Variants in PAH observed in about 807,000 individuals in gnomAD.
PAH encodes phenylalanine-4-hydroxylase.
Under a neutral mutation model 62.0 loss-of-function variants are expected in PAH, and 64 were observed. That is an observed-to-expected ratio of 1.03 (90% CI 0.84 to 1.27). The LOEUF (loss-of-function observed/expected upper bound fraction) is 1.27, where lower values mean the gene tolerates loss of function less well. PAH is among the 50% of genes most tolerant of loss of function. The probability of loss-of-function intolerance (pLI) is 0.00; values close to 1 mark genes in which losing one functional copy is unlikely to be tolerated. For synonymous variants in PAH, 195 were observed against 196.2 expected (o/e 0.99, Z 0.05); for missense variants, 579 against 542.8 (o/e 1.07, Z -0.66).
At chr12:102,882,320 A>T (rs1876844749) in intron 3 of PAH, among the ~76,000 whole-genome samples, 1 of 152,160 alleles carries the variant, frequency 6.6e-6, no homozygotes, top group Non-Finnish European at 1.5e-5. Flanking sequence ...AATGGTTAAG[A>T]GTCTTAAAAC....
intron 1 of PAH, among the ~76,000 whole-genome samples, chr12:102,913,532 T>C (rs535802435): frequency 6.6e-6 from 1 of 152,178 alleles, no homozygotes; most frequent in African/African-American, 2.4e-5. Context: ...GTCAAAACAG[T>C]ATTCAGAGGA....
At chr12:102,935,453 A>C (rs770683167) in intron 1 of PAH, among the ~76,000 whole-genome samples, 2 of 152,038 alleles carry the variant, frequency 1.3e-5, no homozygotes, top group African/African-American at 4.8e-5. Context: ...TTGTCAGAAT[A>C]GTTTGAGTAG....
chr12:102,906,598 A>T (rs1382950273), intron 2 of PAH, among the ~76,000 whole-genome samples: 1 of 152,230 alleles, frequency 6.6e-6, no homozygotes, highest in African/African-American at 2.4e-5. Context: ...ATATATATAT[A>T]GTAATTCTTA....
chr12:102,912,816 A>G lies in PAH; in HGVS notation c.143T>C (p.Leu48Ser), dbSNP rs5030841. The G allele has an allele frequency of 8.8e-5, 142 of 1,613,302 alleles. No homozygotes were observed. Among genetic ancestry groups the G allele is most frequent in the Middle Eastern group, 4.9e-4 (3 of 6,080 alleles). ...CTCAAATAAGCGCAATACTTTGGCCAATGCACCAACTTCTTCTTTGAGTGA... is the reference window on the plus strand; with the variant it reads ...CTCAAATAAGCGCAATACTTTGGCCGATGCACCAACTTCTTCTTTGAGTGA... ...IFSLKEEVGALAKVLRLFEEN... is the reference protein window; with the variant it reads ...IFSLKEEVGASAKVLRLFEEN... Residue 48 changes from leucine to serine, a missense_variant, in exon 2 of 13, where the codon TTG becomes TCG. By Grantham distance (145) the Leu-to-Ser change is moderately radical. Coordinates refer to ENST00000553106, the MANE Select transcript of PAH (RefSeq NM_000277.3).
intron 8 of PAH, among the ~76,000 whole-genome samples, chr12:102,850,898 A>G (rs372666317): frequency 1.9e-3 from 287 of 152,190 alleles, no homozygotes; most frequent in African/African-American, 6.6e-3. Context: ...AGCCTCAGCA[A>G]TGTAGTGAGA....
At chr12:102,879,605 T>TGGG (rs3062683) in intron 3 of PAH, among the ~76,000 whole-genome samples, 68 of 139,406 alleles carry the variant, frequency 4.9e-4, no homozygotes, top group Non-Finnish European at 7.2e-4. Context: ...ATTTTACCTG[T>TGGG]GGGGGGGGGG....
exon 1 of PAH, chr12:102,958,198 G>A: frequency 7.1e-7 from 1 of 1,400,662 alleles, no homozygotes; most frequent in Admixed American, 3.1e-5. Flanking sequence ...CCCGCACCTC[G>A]CGTCCCGGAT....
intron 1 of PAH, among the ~76,000 whole-genome samples, chr12:102,949,125 T>C (rs1332352777): frequency 6.6e-6 from 1 of 152,164 alleles, no homozygotes; most frequent in African/African-American, 2.4e-5. Flanking sequence ...AGGAGAATCC[T>C]ATTTCCCAAG....
rs140945592 is a variant in PAH, at chr12:102,894,918, C to T, written c.169G>A (p.Glu57Lys). ...ATGTGGGTCAGGTTTACATCATTCT[C>T]CTAGAAGAGAGAATGGGGAGGGTGA... The part of the protein sequence containing the change: ...ALAKVLRLFE[E>K]NDVNLTHIES... The change falls in exon 3 of 13, where the codon GAG (glutamate) becomes AAG (lysine). Residue 57 changes from glutamate (E) to lysine (K), a missense_variant and splice_region_variant. Physicochemically the swap from Glu to Lys is moderately conservative, Grantham distance 56. Coordinates refer to ENST00000553106, the MANE Select transcript of PAH (RefSeq NM_000277.3). The T allele has an allele frequency of 1.9e-5, 31 of 1,611,646 alleles. No individual in the cohort carries two copies. In the Middle Eastern group the frequency reaches 4.9e-4, roughly 26 times the overall value.
chr12:102,857,271 G>GA (rs1434126436), intron 5 of PAH, among the ~76,000 whole-genome samples: 2 of 152,044 alleles, frequency 1.3e-5, no homozygotes, highest in African/African-American at 4.8e-5. Flanking sequence ...GAAGTTTAGA[G>GA]AAAAAAGAGT....
At chr12:102,863,476 C>T (rs946689954) in intron 5 of PAH, among the ~76,000 whole-genome samples, 6 of 152,110 alleles carry the variant, frequency 3.9e-5, no homozygotes, top group African/African-American at 1.4e-4. Context: ...GGCATGTGAC[C>T]AGACTAAGCC....
At chr12:102,868,543 G>A (rs1876163508) in intron 4 of PAH, among the ~76,000 whole-genome samples, 1 of 151,760 alleles carries the variant, frequency 6.6e-6, no homozygotes, top group Admixed American at 6.6e-5. Flanking sequence ...TTTCCCTAGA[G>A]CACTGAATGG....
intron 4 of PAH, among the ~76,000 whole-genome samples, chr12:102,875,531 G>A (rs1343814447): frequency 1.3e-5 from 2 of 152,176 alleles, no homozygotes; most frequent in Non-Finnish European, 2.9e-5. Context: ...AGAGTTGATG[G>A]CTAAGAGGCC....
rs552592577 is a variant in PAH at position 102,896,720 on chromosome 12, A to G, written c.169-1802T>C. Reference sequence around the variant, plus strand: ...GAAAAAGTCCATCATATTCCATGCCACCCTCAGATTTGACTATTACTCTGT... The same window carrying G: ...GAAAAAGTCCATCATATTCCATGCCGCCCTCAGATTTGACTATTACTCTGT... On this transcript the variant is annotated intron_variant, in intron 2 of 12. Coordinates refer to ENST00000553106, the MANE Select transcript of PAH (RefSeq NM_000277.3). 3.3e-5 allele frequency among the ~76,000 whole-genome samples: 5 copies of G among 152,298 alleles called. No individual in the cohort carries two copies. The East Asian group carries it at 9.6e-4, about 29-fold the overall frequency.
chr12:102,925,785 A>G (rs1197241827), intron 1 of PAH, among the ~76,000 whole-genome samples: 1 of 152,190 alleles, frequency 6.6e-6, no homozygotes, highest in African/African-American at 2.4e-5. Context: ...TTTCATTAAA[A>G]TAAGATTTCA....
At chr12:102,848,424 G>A (rs1168495749) in intron 8 of PAH, among the ~76,000 whole-genome samples, 1 of 142,570 alleles carries the variant, frequency 7.0e-6, no homozygotes, top group Non-Finnish European at 1.6e-5. Flanking sequence ...CAGGAGACTG[G>A]AGAGGTTGAG....
chr12:102,846,943 G>C lies in PAH; in HGVS notation c.921C>G (p.Gly307=), dbSNP rs920882128. The C allele has an allele frequency of 1.2e-6, 2 of 1,613,304 alleles. No individual in the cohort carries two copies. Among genetic ancestry groups the C allele is most frequent in the African/African-American group, 2.7e-5 (2 of 74,862 alleles). The part of the protein sequence containing the change: ...RSFAQFSQEI[G]LASLGAPDEY... ...CATCAGGTGCACCCAGAGAGGCAAG[G>C]CCAATTTCCTGTAATTGGGGGAAAA... Residue 307 remains glycine (G), a synonymous_variant, in exon 9 of 13, where the codon GGC becomes GGG. Transcript: ENST00000553106.
rs150812329 is a variant in PAH at position 102,916,663 on chromosome 12, G to A, written c.60+408C>T. On this transcript the variant is annotated intron_variant, in intron 1 of 12. Coordinates refer to ENST00000553106, the MANE Select transcript of PAH (RefSeq NM_000277.3). Reference sequence around the variant, plus strand: ...TTGCCATTTTGATACCTTGCTGAGAGCACTTTATAAATATTACAAAAGAAA... The same window carrying A: ...TTGCCATTTTGATACCTTGCTGAGAACACTTTATAAATATTACAAAAGAAA... 6.0e-5 allele frequency: 14 copies of A among 234,990 alleles called. No homozygotes were observed. In the East Asian group the frequency reaches 1.5e-3, roughly 25 times the overall value. 14.6% of individuals were successfully genotyped at this position (234,990 alleles called of 1,614,324 possible). A position where few individuals can be genotyped will look rare whatever the true frequency, so the allele number is the denominator to read the frequency against.
chr12:102,949,670 TA>T (rs1167265160), intron 1 of PAH, among the ~76,000 whole-genome samples: 1 of 152,154 alleles, frequency 6.6e-6, no homozygotes, highest in Non-Finnish European at 1.5e-5. Flanking sequence ...AGGAGAAGCT[TA>T]GGGGTGACCA....
Sources: allele counts gnomAD v4.1 joint callset (sites outside exome capture counted in the v4.1 genomes callset), GRCh38; gene constraint gnomAD v4.1.1; transcripts MANE v1.5; gene names NCBI Gene and HGNC (gene_info 2026-07-23, HGNC 2026-07-21).